RANBP17: variants seen among roughly 807,000 people sequenced by gnomAD.
RANBP17 encodes the protein RAN binding protein 17, also known as ran-binding protein 17.
In RANBP17, 158 loss-of-function variants were observed where a neutral mutation model predicts 141.2. That is an observed-to-expected ratio of 1.12 (90% confidence interval 0.98 to 1.28). The LOEUF is 1.28. Among genes scored for constraint, RANBP17 ranks in the 50% most tolerant of loss-of-function variants. The pLI, the probability that RANBP17 is intolerant of heterozygous loss-of-function variation, is 0.00. For missense variants in RANBP17, 1,438 were observed against 1,290.7 expected (o/e 1.11, Z -1.75); for synonymous variants, 430 against 450.0 (o/e 0.96, Z 0.56).
intron 14 of RANBP17, among the ~76,000 whole-genome samples, chr5:171,092,811 A>G (rs546213640): frequency 3.3e-5 from 5 of 152,324 alleles, no homozygotes; most frequent in African/African-American, 1.2e-4. Context: ...GTGCACTACA[A>G]GGAGCTTCTT....
At chr5:170,917,955 A>G (rs1772112470) in intron 9 of RANBP17, among the ~76,000 whole-genome samples, 2 of 152,116 alleles carry the variant, frequency 1.3e-5, no homozygotes, top group Admixed American at 1.3e-4. Context: ...TGGAGCTCCT[A>G]TGAATGAAAT....
At chr5:171,227,341 TAGTAGTCTG>T (rs1351235896) in intron 22 of RANBP17, among the ~76,000 whole-genome samples, 1 of 152,254 alleles carries the variant, frequency 6.6e-6, no homozygotes, top group Non-Finnish European at 1.5e-5. Context: ...GAGAAGGTTT[TAGTAGTCTG>T]AGATCAAACC....
At chr5:171,268,708 A>G (rs1766903057) in intron 25 of RANBP17, among the ~76,000 whole-genome samples, 1 of 152,018 alleles carries the variant, frequency 6.6e-6, no homozygotes, top group African/African-American at 2.4e-5. Flanking sequence ...CCCAGCCTTT[A>G]CCCCACCATG....
intron 18 of RANBP17, among the ~76,000 whole-genome samples, chr5:171,193,653 C>T (rs1255288559): frequency 2.0e-5 from 3 of 152,112 alleles, no homozygotes; most frequent in Non-Finnish European, 4.4e-5. Flanking sequence ...TTGCCTTTTG[C>T]GGCTTCTAGA....
chr5:170,900,163 T>A (rs935717030), intron 5 of RANBP17, among the ~76,000 whole-genome samples: 1 of 152,178 alleles, frequency 6.6e-6, no homozygotes, highest in African/African-American at 2.4e-5. Flanking sequence ...TTTTTTTGGT[T>A]GGTAGGCTAC....
rs573526312 is a variant in RANBP17, at chr5:170,911,205, G to A, written c.760+71G>A. The stretch of plus-strand genomic sequence containing the variant: ...GTATTAAGCAATATAGTTTCTGTAT[G>A]TATAGTTATCTTTTTGCCAGGAATT... On this transcript the variant is annotated intron_variant, in intron 7 of 27. Transcript: ENST00000523189. The A allele has an allele frequency of 2.9e-6, 4 of 1,367,596 alleles. No individual in the cohort carries two copies. In the African/African-American group the frequency reaches 4.4e-5, roughly 15 times the overall value. 84.7% of individuals were successfully genotyped at this position (1,367,596 alleles called of 1,614,324 possible).
intron 14 of RANBP17, among the ~76,000 whole-genome samples, chr5:171,128,384 C>T (rs988090841): frequency 6.6e-6 from 1 of 152,160 alleles, no homozygotes; most frequent in East Asian, 1.9e-4. Flanking sequence ...AACTGGAGGT[C>T]ATTATATTAA....
chr5:170,927,971 C>G (rs150524290), intron 12 of RANBP17, among the ~76,000 whole-genome samples: 30 of 152,126 alleles, frequency 2.0e-4, no homozygotes, highest in African/African-American at 7.0e-4. Flanking sequence ...GTGGATGTAT[C>G]ATTTTTCATT....
intron 5 of RANBP17, among the ~76,000 whole-genome samples, chr5:170,904,654 C>G (rs1170219216): frequency 6.6e-6 from 1 of 152,076 alleles, no homozygotes; most frequent in African/African-American, 2.4e-5. Context: ...AATCCTAGTA[C>G]CTGAACTTCA....
chr5:171,110,961 C>G (rs556530034), intron 14 of RANBP17, among the ~76,000 whole-genome samples: 1 of 151,694 alleles, frequency 6.6e-6, no homozygotes, highest in African/African-American at 2.4e-5. Context: ...ACTGCACCCA[C>G]TAACTCGTCA....
At chr5:171,261,191 A>G (rs1561809744) in intron 24 of RANBP17, among the ~76,000 whole-genome samples, 1 of 151,736 alleles carries the variant, frequency 6.6e-6, no homozygotes, top group Non-Finnish European at 1.5e-5. Context: ...GGAAGGGAAA[A>G]CCTTGTATGT....
intron 25 of RANBP17, among the ~76,000 whole-genome samples, chr5:171,274,157 C>CGT (rs1554127532): frequency 1.3e-5 from 2 of 148,356 alleles, no homozygotes; most frequent in East Asian, 2.0e-4. Context: ...TGTGCGCGCG[C>CGT]GCGCGCGTGC....
At chr5:171,006,743 T>TAAAAAA (rs59337087) in intron 14 of RANBP17, among the ~76,000 whole-genome samples, 1 of 142,944 alleles carries the variant, frequency 7.0e-6, no homozygotes, top group African/African-American at 2.6e-5. Context: ...CTTAAAGTAT[T>TAAAAAA]AAAAAAAAAA....
chr5:171,022,429 A>G (rs1333666573), intron 14 of RANBP17, among the ~76,000 whole-genome samples: 1 of 152,226 alleles, frequency 6.6e-6, no homozygotes, highest in East Asian at 1.9e-4. Flanking sequence ...GACTGTGGCC[A>G]TCCTTCCCGC....
At chr5:170,863,616 G>A (rs1766999727) in intron 1 of RANBP17, 2 of 152,142 alleles carry the variant, frequency 1.3e-5, no homozygotes, top group Non-Finnish European at 1.5e-5. Flanking sequence ...TTACAAGGAG[G>A]ATTTATGGAT....
intron 14 of RANBP17, among the ~76,000 whole-genome samples, chr5:171,160,764 G>A (rs1759291242): frequency 6.6e-6 from 1 of 152,066 alleles, no homozygotes; most frequent in Admixed American, 6.6e-5. Flanking sequence ...TAATGAAAGT[G>A]CTTCATGGGA....
At chr5:171,276,450 C>T (rs1767489403) in intron 25 of RANBP17, among the ~76,000 whole-genome samples, 1 of 152,160 alleles carries the variant, frequency 6.6e-6, no homozygotes, top group Admixed American at 6.5e-5. Flanking sequence ...ATTTGGAATA[C>T]ATAAGCCACG....
intron 14 of RANBP17, among the ~76,000 whole-genome samples, chr5:171,081,212 G>T (rs905849918): frequency 2.0e-5 from 3 of 152,084 alleles, no homozygotes; most frequent in African/African-American, 7.2e-5. Flanking sequence ...TATTTCTTCG[G>T]TAGTGGTATC....
At chr5:171,161,162 C>T (rs1302652812) in intron 14 of RANBP17, among the ~76,000 whole-genome samples, 1 of 152,148 alleles carries the variant, frequency 6.6e-6, no homozygotes, top group Non-Finnish European at 1.5e-5. Context: ...CTTTTAGTAA[C>T]TGGTTTCTGG....
Sources: allele counts gnomAD v4.1 joint callset (sites outside exome capture counted in the v4.1 genomes callset), GRCh38; gene constraint gnomAD v4.1.1; transcripts MANE v1.5; gene names NCBI Gene and HGNC (gene_info 2026-07-23, HGNC 2026-07-21).